Variants in TOPBP1 observed in about 807,000 individuals in gnomAD.
TOPBP1 encodes DNA topoisomerase 2-binding protein 1.
A neutral mutation model predicts 167.7 loss-of-function variants in TOPBP1; 28 were observed. That is an observed-to-expected ratio of 0.17 (90% CI 0.12 to 0.23). The LOEUF is 0.23. Among genes scored for constraint, TOPBP1 ranks in the 10% least tolerant of loss-of-function variants. The probability of loss-of-function intolerance (pLI) is 1.00; values close to 1 mark genes in which losing one functional copy is unlikely to be tolerated. For missense variants in TOPBP1, 1,554 were observed against 1,809.6 expected (o/e 0.86, Z 2.56); for synonymous variants, 598 against 611.4 (o/e 0.98, Z 0.32).
intron 1 of TOPBP1, among the ~76,000 whole-genome samples, 156 bp downstream of exon 1, chr3:133,661,613 C>G (rs1380068920): frequency 6.6e-6 from 1 of 152,252 alleles, no homozygotes; most frequent in Non-Finnish European, 1.5e-5. Context: ...GCTCTGGGAT[C>G]ACGGAAGCCA....
chr3:133,640,400 T>C (rs1276002132), intron 12 of TOPBP1, among the ~76,000 whole-genome samples: 1 of 152,174 alleles, frequency 6.6e-6, no homozygotes, highest in Non-Finnish European at 1.5e-5. Flanking sequence ...TAATTAGACA[T>C]GCAAAGAACA....
intron 14 of TOPBP1, among the ~76,000 whole-genome samples, chr3:133,635,797 C>T (rs978246818): frequency 2.6e-5 from 4 of 152,090 alleles, no homozygotes; most frequent in Non-Finnish European, 5.9e-5. Context: ...CATAGTAACA[C>T]ACACACATAG....
chr3:133,626,471 T>C (rs896482388), intron 16 of TOPBP1, among the ~76,000 whole-genome samples: 1 of 152,206 alleles, frequency 6.6e-6, no homozygotes, highest in Non-Finnish European at 1.5e-5. Context: ...CAAATTCACG[T>C]ATGTAAAAAA....
intron 19 of TOPBP1, among the ~76,000 whole-genome samples, chr3:133,622,019 G>A (rs1313292763): frequency 6.6e-6 from 1 of 150,478 alleles, no homozygotes; most frequent in East Asian, 2.0e-4. Flanking sequence ...AAGGGAAGAG[G>A]GAAAGGAGAG....
chr3:133,626,930 C>G (rs886794677), intron 16 of TOPBP1, among the ~76,000 whole-genome samples: 1 of 152,088 alleles, frequency 6.6e-6, no homozygotes, highest in African/African-American at 2.4e-5. Flanking sequence ...TTGCAAAGAT[C>G]GGGCCTACAT....
intron 24 of TOPBP1, among the ~76,000 whole-genome samples, chr3:133,611,859 C>T (rs1934693781): frequency 6.6e-6 from 1 of 152,086 alleles, no homozygotes; most frequent in South Asian, 2.1e-4. Flanking sequence ...ACTTCAGCCT[C>T]CTAGGTAGCT....
At chr3:133,654,059 A>G (rs2107831730) in intron 6 of TOPBP1, among the ~76,000 whole-genome samples, 1 of 152,362 alleles carries the variant, frequency 6.6e-6, no homozygotes, top group Non-Finnish European at 1.5e-5. Flanking sequence ...TTCTATGTGT[A>G]GTATAAATAC....
chr3:133,634,142 T>C (rs1211557344), intron 14 of TOPBP1, among the ~76,000 whole-genome samples: 2 of 152,208 alleles, frequency 1.3e-5, no homozygotes, highest in African/African-American at 4.8e-5. Flanking sequence ...TACCATGTAT[T>C]GTGGAAAACT....
At chr3:133,612,601 C>A in intron 23 of TOPBP1, 49 bp from the exon 24 acceptor site, 1 of 1,507,902 alleles carries the variant, frequency 6.6e-7, no homozygotes, top group South Asian at 1.3e-5. Context: ...CAACTTCTTT[C>A]TAGGAAAAAT....
In TOPBP1 at chr3:133,620,175, A is replaced by G; in HGVS notation, c.3351T>C (p.Ser1117=). ...DSTRSARSGR[S]RVLEALRQSR... ...CACACCTCAGTGCCTCTAGGACTCT[A>G]CTTCGTCCACTGCGAGCAGAGCGAG... The change falls in exon 20 of 28, where the codon AGT becomes AGC. Residue 1117 remains serine (S), a synonymous_variant. Coordinates refer to ENST00000260810, the MANE Select transcript of TOPBP1 (RefSeq NM_007027.4). 3.7e-6 allele frequency: 6 copies of G among 1,613,534 alleles called. No homozygotes were observed. The highest frequency in any genetic ancestry group is 5.1e-6 in the Non-Finnish European group (6 of 1,179,716).
At chr3:133,601,636 A>G (rs781680322) in intron 27 of TOPBP1, among the ~76,000 whole-genome samples, 1 of 152,204 alleles carries the variant, frequency 6.6e-6, no homozygotes, top group African/African-American at 2.4e-5. Context: ...CAGATCTTAC[A>G]AACATTTCAT....
intron 10 of TOPBP1, among the ~76,000 whole-genome samples, chr3:133,648,590 G>C: frequency 6.6e-6 from 1 of 152,176 alleles, no homozygotes; most frequent in East Asian, 1.9e-4. Flanking sequence ...CTGAGGTCGG[G>C]AGTTCAAGAC....
intron 13 of TOPBP1, among the ~76,000 whole-genome samples, chr3:133,638,500 T>C (rs1935756214): frequency 6.6e-6 from 1 of 152,234 alleles, no homozygotes; most frequent in African/African-American, 2.4e-5. Context: ...CCAAAAATTG[T>C]TATCAGTGAA....
intron 4 of TOPBP1, 45 bp downstream of exon 4, chr3:133,657,753 A>G: frequency 7.1e-7 from 1 of 1,414,206 alleles, no homozygotes; most frequent in Non-Finnish European, 9.3e-7. Flanking sequence ...TAAGAATAAG[A>G]GATAGATATA....
At chr3:133,647,681 T>TA in intron 10 of TOPBP1, among the ~76,000 whole-genome samples, 1 of 151,956 alleles carries the variant, frequency 6.6e-6, no homozygotes. Context: ...TTTTTAAAAG[T>TA]AAAAAAATAA....
chr3:133,627,777 A>G (rs1347092427), intron 16 of TOPBP1, among the ~76,000 whole-genome samples: 2 of 152,150 alleles, frequency 1.3e-5, no homozygotes, highest in African/African-American at 4.8e-5. Flanking sequence ...GAGATTCTCA[A>G]TTCTGGATAC....
In TOPBP1 at chr3:133,643,259, G is replaced by A. The variant is rs1322428502; in HGVS notation, c.1962C>T (p.Ser654=). 3 of 1,611,876 alleles carry A rather than the reference G, an allele frequency of 1.9e-6. No individual in the cohort carries two copies. The highest frequency in any genetic ancestry group is 2.5e-6 in the Non-Finnish European group (3 of 1,179,054). ...TPLEDCVISF[S]QCAGAEKESL... is the part of the protein sequence containing the mutation. The stretch of plus-strand genomic sequence containing the variant: ...ACTCTTTTTCTGCTCCAGCACACTG[G>A]CTAAATGAAATAACACAATCCTCTA... The change falls in exon 12 of 28, where the codon AGC becomes AGT. Residue 654 remains serine (S), a synonymous_variant. Coordinates refer to ENST00000260810, the MANE Select transcript of TOPBP1 (RefSeq NM_007027.4).
At chr3:133,604,357 G>A (rs1934419739) in intron 27 of TOPBP1, among the ~76,000 whole-genome samples, 1 of 151,352 alleles carries the variant, frequency 6.6e-6, no homozygotes, top group Non-Finnish European at 1.5e-5. Context: ...GGCTGGTCTC[G>A]AACCCCTGAC....
chr3:133,601,366 A>G lies in TOPBP1; in HGVS notation c.4453T>C (p.Cys1485Arg). 1 of 1,558,256 alleles carries G rather than the reference A, an allele frequency of 6.4e-7. No individual in the cohort carries two copies. Among genetic ancestry groups the G allele is most frequent in the Non-Finnish European group, 8.7e-7 (1 of 1,153,498 alleles). Reference protein sequence around the residue: ...QESPPHVENYCLPEAISFIQN... With the variant: ...QESPPHVENYRLPEAISFIQN... Reference sequence around the variant, plus strand: ...ATAAATGAAATAGCTTCTGGTAGACAGTAATTTTCTACATGAGGAGGTGAT... The same window carrying G: ...ATAAATGAAATAGCTTCTGGTAGACGGTAATTTTCTACATGAGGAGGTGAT... Residue 1485 changes from cysteine (C) to arginine (R), a missense_variant, in exon 28 of 28, where the codon TGT becomes CGT. Transcript: ENST00000260810.
Sources: gnomAD v4.1 joint callset for allele counts (sites outside exome capture counted in the v4.1 genomes callset) on GRCh38, gnomAD v4.1.1 for gene constraint, MANE v1.5 for transcripts, NCBI Gene and HGNC (gene_info 2026-07-23, HGNC 2026-07-21) for gene names.